The following CUL1 variants were observed in gnomAD, a reference collection of about 807,000 sequenced individuals.
The protein encoded by CUL1 is cullin-1.
CUL1 carries 24 observed loss-of-function variants against 118.0 expected under a neutral mutation model. The ratio of observed to expected loss-of-function variants is 0.20; its 90% CI spans 0.15 to 0.29. CUL1 has a LOEUF of 0.29. Ranked by LOEUF, CUL1 falls within the 10% of genes least tolerant of loss-of-function variation. CUL1 has a pLI of 1.00. For missense variants in CUL1, 361 were observed against 933.8 expected (o/e 0.39, Z 7.99); for synonymous variants, 332 against 340.4 (o/e 0.98, Z 0.27).
rs977468523 is a variant in CUL1, at chr7:148,759,474, A to G, written c.535-74A>G. 5 of 1,368,836 alleles carry G rather than the reference A, an allele frequency of 3.7e-6. No homozygotes were observed. In the African/African-American group the frequency reaches 7.2e-5, roughly 20 times the overall value. The allele number at this position is 1,368,836 out of a possible 1,614,324, so 84.8% of individuals were successfully genotyped here. A position where few individuals can be genotyped will look rare whatever the true frequency, so the allele number is the denominator to read the frequency against. ...ATCTTACATTGTTTAGTGGCTGTGA[A>G]TGTTTAAGGGATATGTAGTAATATA... On this transcript the variant is annotated intron_variant, in intron 5 of 21. Transcript: ENST00000325222.
chr7:148,741,623 G>C (rs1271292664), intron 2 of CUL1, among the ~76,000 whole-genome samples: 1 of 142,064 alleles, frequency 7.0e-6, no homozygotes, highest in Non-Finnish European at 1.5e-5. Context: ...GTTTGTAGTA[G>C]AGACAGGGTT....
intron 3 of CUL1, among the ~76,000 whole-genome samples, chr7:148,756,079 A>G (rs569822027): frequency 9.6e-4 from 146 of 152,358 alleles, no homozygotes; most frequent in African/African-American, 3.4e-3. Flanking sequence ...ATCCCTAAGA[A>G]AAAAAATTCC....
At chr7:148,748,895 GAACA>G (rs1402875277) in intron 2 of CUL1, among the ~76,000 whole-genome samples, 2 of 152,044 alleles carry the variant, frequency 1.3e-5, no homozygotes, top group African/African-American at 4.8e-5. Context: ...CTCTTAGAAC[GAACA>G]GTGGAAAAGA....
chr7:148,720,554 A>G (rs1798366330), intron 1 of CUL1, among the ~76,000 whole-genome samples: 1 of 152,134 alleles, frequency 6.6e-6, no homozygotes, highest in Non-Finnish European at 1.5e-5. Flanking sequence ...GTGAGATTGC[A>G]CGCAACATGA....
chr7:148,725,903 C>T (rs536589418), intron 1 of CUL1, among the ~76,000 whole-genome samples: 2 of 152,272 alleles, frequency 1.3e-5, no homozygotes, highest in Non-Finnish European at 2.9e-5. Context: ...ATCATCTGTG[C>T]ATGAATTTTA....
chr7:148,758,488 G>A (rs560636135), intron 4 of CUL1, among the ~76,000 whole-genome samples: 74 of 152,076 alleles, frequency 4.9e-4, no homozygotes, highest in Non-Finnish European at 8.4e-4. Context: ...GCATGGTGAC[G>A]CACCTATAGT....
intron 2 of CUL1, among the ~76,000 whole-genome samples, chr7:148,748,674 A>G (rs982796898): frequency 1.3e-5 from 2 of 152,190 alleles, no homozygotes; most frequent in Non-Finnish European, 1.5e-5. Context: ...CCTGTATCCA[A>G]TAGTTAGAGA....
intron 8 of CUL1, among the ~76,000 whole-genome samples, chr7:148,766,973 T>C (rs534288290): frequency 2.0e-4 from 30 of 152,266 alleles, no homozygotes; most frequent in African/African-American, 6.0e-4. Flanking sequence ...CTACCCCAAG[T>C]TTTTTCTTGA....
chr7:148,723,293 C>T (rs1798454900), intron 1 of CUL1, among the ~76,000 whole-genome samples: 1 of 152,206 alleles, frequency 6.6e-6, no homozygotes, highest in African/African-American at 2.4e-5. Flanking sequence ...CCCTGAGGAA[C>T]TGTGGTTCCC....
intron 1 of CUL1, among the ~76,000 whole-genome samples, chr7:148,724,609 G>T (rs554909018): frequency 6.6e-6 from 1 of 152,306 alleles, no homozygotes; most frequent in Middle Eastern, 3.4e-3. Flanking sequence ...CCTCTCCGGG[G>T]ATTGGCCGTC....
At chr7:148,756,438 C>T (rs972026976) in intron 3 of CUL1, among the ~76,000 whole-genome samples, 3 of 152,082 alleles carry the variant, frequency 2.0e-5, no homozygotes, top group Non-Finnish European at 4.4e-5. Flanking sequence ...TGGGTTCAAG[C>T]GAGTCCCCTG....
chr7:148,724,520 A>G (rs1798497649), intron 1 of CUL1, among the ~76,000 whole-genome samples: 4 of 152,214 alleles, frequency 2.6e-5, no homozygotes, highest in Admixed American at 2.6e-4. Context: ...GTGTGGAAGC[A>G]CAGCTGGCTC....
Position 148,703,521 on chromosome 7 carries a change from T to G in CUL1, c.-162+4492T>G, listed in dbSNP as rs553744700. On this transcript the variant is annotated intron_variant, in intron 1 of 21. Coordinates refer to ENST00000325222, the MANE Select transcript of CUL1 (RefSeq NM_003592.3). ...TAAAGTGTGTATGTACTAGTGAAGGTTTTTTTGTTTTTTGTTTTTTGTTTT... is the reference window on the plus strand; with the variant it reads ...TAAAGTGTGTATGTACTAGTGAAGGGTTTTTTGTTTTTTGTTTTTTGTTTT... Among the ~76,000 whole-genome samples the G allele has an allele frequency of 6.6e-4, 99 of 150,928 alleles. 2 individuals are homozygous for G. The South Asian group carries it at 0.02, about 31-fold the overall frequency.
At chr7:148,766,164 T>C (rs1309343343) in intron 7 of CUL1, among the ~76,000 whole-genome samples, 1 of 152,154 alleles carries the variant, frequency 6.6e-6, no homozygotes, top group Non-Finnish European at 1.5e-5. Flanking sequence ...GGAGTCTTGC[T>C]CTGTTGCCCA....
chr7:148,724,702 G>A (rs941343880), intron 1 of CUL1, among the ~76,000 whole-genome samples: 31 of 152,222 alleles, frequency 2.0e-4, no homozygotes, highest in Admixed American at 1.4e-3. Context: ...GTGTGTCCAA[G>A]TCAGGAGGTG....
upstream of CUL1, chr7:148,698,252 C>G (rs746032607): frequency 1.3e-5 from 2 of 151,914 alleles, no homozygotes; most frequent in Admixed American, 6.6e-5. Context: ...CTGTCCCGGT[C>G]GACAAAGGTG....
intron 1 of CUL1, among the ~76,000 whole-genome samples, chr7:148,725,309 C>G (rs1466813788): frequency 6.6e-6 from 1 of 152,104 alleles, no homozygotes; most frequent in Non-Finnish European, 1.5e-5. Flanking sequence ...TTGGAGCAGG[C>G]TGGTAGATAC....
At chr7:148,733,934 G>C (rs1029188896) in intron 2 of CUL1, among the ~76,000 whole-genome samples, 2 of 151,886 alleles carry the variant, frequency 1.3e-5, no homozygotes, top group African/African-American at 4.8e-5. Flanking sequence ...TGACATTTGT[G>C]GTTGCTGTAG....
intron 9 of CUL1, among the ~76,000 whole-genome samples, chr7:148,777,286 G>T (rs1350776643): frequency 1.3e-5 from 2 of 152,216 alleles, no homozygotes; most frequent in Non-Finnish European, 2.9e-5. Flanking sequence ...GTGGTCTGAG[G>T]TGCAGAGCCA....
Sources: allele counts gnomAD v4.1 joint callset (sites outside exome capture counted in the v4.1 genomes callset), GRCh38; gene constraint gnomAD v4.1.1; transcripts MANE v1.5; gene names NCBI Gene and HGNC (gene_info 2026-07-23, HGNC 2026-07-21).